POU6F2: variants seen among roughly 807,000 people sequenced by gnomAD.
POU6F2 encodes the protein POU class 6 homeobox 2, also known as POU domain, class 6, transcription factor 2.
POU6F2 carries 31 observed loss-of-function variants against 71.3 expected under a neutral mutation model. The observed-to-expected ratio is 0.43, with a 90% CI of 0.33 to 0.59. POU6F2 has a LOEUF of 0.59. Ranked by LOEUF, POU6F2 falls within the 20% of genes least tolerant of loss-of-function variation. POU6F2 has a pLI of 0.04. For missense variants in POU6F2, 783 were observed against 856.8 expected, an observed-to-expected ratio of 0.91 and a Z score of 1.07; for synonymous variants, 347 against 355.7, an observed-to-expected ratio of 0.98 and a Z score of 0.27.
chr7:39,348,379 T>C (rs1786070129), intron 5 of POU6F2, among the ~76,000 whole-genome samples: 1 of 152,264 alleles, frequency 6.6e-6, no homozygotes, highest in Non-Finnish European at 1.5e-5. Context: ...ACTTATTTCA[T>C]GCATTGGCCT....
At chr7:39,112,193 A>G (rs988438360) in intron 2 of POU6F2, among the ~76,000 whole-genome samples, 2 of 152,190 alleles carry the variant, frequency 1.3e-5, no homozygotes, top group African/African-American at 4.8e-5. Flanking sequence ...TGCACAGTTG[A>G]AAACTGGCTG....
intron 2 of POU6F2, among the ~76,000 whole-genome samples, chr7:39,137,859 C>T (rs1276110369): frequency 6.6e-6 from 1 of 152,118 alleles, no homozygotes; most frequent in Non-Finnish European, 1.5e-5. Context: ...GGGTGCAGGC[C>T]TTAACCAGGA....
intron 2 of POU6F2, among the ~76,000 whole-genome samples, chr7:39,177,821 CATTTTAAAATTA>C (rs1562734969): frequency 6.6e-6 from 1 of 152,224 alleles, no homozygotes; most frequent in Non-Finnish European, 1.5e-5. Context: ...ATTGATGCTA[CATTTTAAAATTA>C]ATGATTTCCC....
intron 4 of POU6F2, among the ~76,000 whole-genome samples, chr7:39,230,227 C>T (rs183409358): frequency 2.6e-5 from 4 of 152,224 alleles, no homozygotes; most frequent in African/African-American, 9.6e-5. Flanking sequence ...TGCCTGTAAT[C>T]CCAGCATTTT....
rs574011279 is a variant in POU6F2 at position 39,160,560 on chromosome 7, C to G, written c.278-43675C>G. Among the ~76,000 whole-genome samples, 4 of 152,318 alleles carry G rather than the reference C, an allele frequency of 2.6e-5. No individual in the cohort carries two copies. In the South Asian group the frequency reaches 8.3e-4, roughly 32 times the overall value. On this transcript the variant is annotated intron_variant, in intron 2 of 9. Coordinates refer to ENST00000518318, the MANE Select transcript of POU6F2 (RefSeq NM_001370959.1). Reference sequence around the variant, plus strand: ...TGAGACACTGCTTCTTTATTTGTAACTGATATTCATCTAAAACTGACCTCC... The same window carrying G: ...TGAGACACTGCTTCTTTATTTGTAAGTGATATTCATCTAAAACTGACCTCC...
intron 1 of POU6F2, among the ~76,000 whole-genome samples, chr7:39,022,037 T>A (rs1265708386): frequency 1.3e-5 from 2 of 152,134 alleles, no homozygotes; most frequent in African/African-American, 4.8e-5. Flanking sequence ...AGAAATAATC[T>A]TATCTGGCTC....
rs398004470 is a variant in POU6F2 at position 39,246,905 on chromosome 7, C to CTTTTTTTTTTTTTTTTTTT, written c.598+39290_598+39308dup. Among the ~76,000 whole-genome samples the CTTTTTTTTTTTTTTTTTTT allele has an allele frequency of 4.6e-4, 36 of 78,156 alleles. 3 individuals carry two copies. Among genetic ancestry groups the CTTTTTTTTTTTTTTTTTTT allele is most frequent in the African/African-American group, 1.3e-3 (23 of 17,084 alleles). The allele number at this position is 78,156 out of a possible 152,430, so 51.3% of individuals were successfully genotyped here. On this transcript the variant is annotated intron_variant, in intron 4 of 9. Transcript: ENST00000518318. ...CCAGCTCACCCCAAATCCAGGGTGG[C>CTTTTTTTTTTTTTTTTTTT]TTTTTTTTTTTTTTTTTTTTTTTGC... is the stretch of plus-strand genomic sequence containing the variant.
chr7:39,222,453 T>A (rs1258594402), intron 4 of POU6F2, among the ~76,000 whole-genome samples: 1 of 152,230 alleles, frequency 6.6e-6, no homozygotes, highest in Non-Finnish European at 1.5e-5. Flanking sequence ...TGTACAGTTC[T>A]GTGGCACCAA....
chr7:39,119,226 A>T (rs1396000617), intron 2 of POU6F2, among the ~76,000 whole-genome samples: 1 of 152,220 alleles, frequency 6.6e-6, no homozygotes, highest in Non-Finnish European at 1.5e-5. Context: ...CCCTGGGAAA[A>T]GGGCACAATT....
At chr7:39,255,178 T>C (rs1239474879) in intron 4 of POU6F2, among the ~76,000 whole-genome samples, 1 of 152,226 alleles carries the variant, frequency 6.6e-6, no homozygotes, top group African/African-American at 2.4e-5. Context: ...AAATGATCAC[T>C]TTAAAAAATT....
At chr7:39,130,160 G>A (rs1436362688) in intron 2 of POU6F2, among the ~76,000 whole-genome samples, 1 of 150,792 alleles carries the variant, frequency 6.6e-6, no homozygotes, top group Non-Finnish European at 1.5e-5. Context: ...GTGTGTGTGT[G>A]TGTGTGTGTG....
chr7:39,250,848 C>A (rs1199894850), intron 4 of POU6F2, among the ~76,000 whole-genome samples: 1 of 152,186 alleles, frequency 6.6e-6, no homozygotes, highest in Non-Finnish European at 1.5e-5. Context: ...CAGATAGAGT[C>A]AACCAACATT....
intron 1 of POU6F2, among the ~76,000 whole-genome samples, chr7:39,040,006 G>A (rs1379690905): frequency 1.3e-5 from 1 of 79,208 alleles, no homozygotes; most frequent in African/African-American, 5.0e-5. Context: ...GTATTGACAA[G>A]ATTTTCATTA....
intron 5 of POU6F2, among the ~76,000 whole-genome samples, chr7:39,389,633 A>G (rs1787023937): frequency 6.6e-6 from 1 of 152,216 alleles, no homozygotes; most frequent in African/African-American, 2.4e-5. Context: ...TCCTTCATAC[A>G]AAAATATTTT....
Position 39,400,090 on chromosome 7 carries a change from T to C in POU6F2, c.973-6510T>C, listed in dbSNP as rs116038251. Among the ~76,000 whole-genome samples the C allele has an allele frequency of 5.5e-3, 833 of 152,210 alleles. 11 individuals are homozygous for C. Among genetic ancestry groups the C allele is most frequent in the African/African-American group, 0.019 (798 of 41,538 alleles). On this transcript the variant is annotated intron_variant, in intron 5 of 9. Coordinates refer to ENST00000518318, the MANE Select transcript of POU6F2 (RefSeq NM_001370959.1). The stretch of plus-strand genomic sequence containing the variant: ...CTCAGTCCCCAGCCTCTCTTCCCTC[T>C]CCTTCGTTCGGGAGTGGGGCTGCAA...
At chr7:39,100,196 C>G (rs901376683) in intron 2 of POU6F2, among the ~76,000 whole-genome samples, 1 of 152,150 alleles carries the variant, frequency 6.6e-6, no homozygotes, top group Non-Finnish European at 1.5e-5. Flanking sequence ...ACAATGAACC[C>G]TTTTCATATA....
Position 39,335,193 on chromosome 7 carries a change from C to T in POU6F2, c.599-4449C>T, listed in dbSNP as rs1785742865. The stretch of plus-strand genomic sequence containing the variant: ...CTCCACCTCCCTTCCATTCATACCT[C>T]TCACCTCCCTTCCTGCAACCACTCT... On this transcript the variant is annotated intron_variant, in intron 4 of 9. Transcript: ENST00000518318. Among the ~76,000 whole-genome samples, 5 of 152,202 alleles carry T rather than the reference C, an allele frequency of 3.3e-5. No individual in the cohort carries two copies. In the South Asian group the frequency reaches 1.0e-3, roughly 32 times the overall value.
At chr7:39,268,919 C>T (rs923013775) in intron 4 of POU6F2, among the ~76,000 whole-genome samples, 11 of 152,148 alleles carry the variant, frequency 7.2e-5, no homozygotes, top group African/African-American at 2.7e-4. Context: ...AGTTGCTAAT[C>T]CCATGCTCCT....
intron 7 of POU6F2, among the ~76,000 whole-genome samples, chr7:39,448,710 G>A (rs780879576): frequency 7.2e-5 from 11 of 152,120 alleles, no homozygotes; most frequent in Non-Finnish European, 2.9e-5. Flanking sequence ...ATTTAAATTG[G>A]TGTCTTTTCC....
Sources: allele counts gnomAD v4.1 joint callset (sites outside exome capture counted in the v4.1 genomes callset), GRCh38; gene constraint gnomAD v4.1.1; transcripts MANE v1.5; gene names NCBI Gene and HGNC (gene_info 2026-07-23, HGNC 2026-07-21).